Variants in PUS10 observed in about 807,000 individuals in gnomAD.
PUS10 encodes pseudouridine synthase 10, also known as tRNA pseudouridine synthase Pus10.
PUS10 carries 59 observed loss-of-function variants against 75.0 expected under a neutral mutation model. That is an observed-to-expected ratio of 0.79 (90% confidence interval 0.64 to 0.98). The LOEUF (loss-of-function observed/expected upper bound fraction) is 0.98. PUS10 is among the 50% of genes least tolerant of loss of function. The pLI is 0.00. For missense variants in PUS10, 650 were observed against 614.4 expected (o/e 1.06, Z -0.61); for synonymous variants, 219 against 211.6 (o/e 1.03, Z -0.30).
chr2:60,973,129 C>T (rs932957012), intron 4 of PUS10, among the ~76,000 whole-genome samples: 1 of 152,222 alleles, frequency 6.6e-6, no homozygotes, highest in African/African-American at 2.4e-5. Context: ...AAGCCTCCGT[C>T]CCGGCCTCAA....
rs1676428562 is a variant in PUS10 at position 60,967,718 on chromosome 2, A to ATG, written c.504-107_504-106dup. 6.9e-6 allele frequency: 5 copies of ATG among 729,088 alleles called. No individual in the cohort carries two copies. The South Asian group carries it at 8.5e-5, about 12-fold the overall frequency. 45.2% of individuals were successfully genotyped at this position (729,088 alleles called of 1,614,324 possible). A position where few individuals can be genotyped will look rare whatever the true frequency, so the allele number is the denominator to read the frequency against. On this transcript the variant is annotated intron_variant, in intron 5 of 17. Coordinates refer to ENST00000316752, the MANE Select transcript of PUS10 (RefSeq NM_144709.4). Reference sequence around the variant, plus strand: ...TTAAAATATTGATTGAGTGCCTAGTATGTACCAGGCACTATTCTACACATT... The same window carrying ATG: ...TTAAAATATTGATTGAGTGCCTAGTATGTGTACCAGGCACTATTCTACACATT...
Position 61,017,829 on chromosome 2 carries a change from C to T in PUS10, c.-16+179G>A. 1 of 1,550,512 alleles carries T rather than the reference C, an allele frequency of 6.4e-7. No individual in the cohort carries two copies. Among genetic ancestry groups the T allele is most frequent in the Non-Finnish European group, 8.7e-7 (1 of 1,146,760 alleles). The stretch of plus-strand genomic sequence containing the variant: ...CCGAATTCCGGGAGCCGGACCGGGA[C>T]CAGGACCGGGCCCCACTTTCCAGTG... On this transcript the variant is annotated intron_variant, in intron 1 of 17. Transcript: ENST00000316752.
At chr2:61,006,423 A>C (rs1456379418) in intron 4 of PUS10, 134 bp downstream of exon 4, 2 of 649,924 alleles carry the variant, frequency 3.1e-6, no homozygotes, top group Non-Finnish European at 5.3e-6. Flanking sequence ...GCAGCTATAA[A>C]TTGCTTCAAT....
intron 4 of PUS10, among the ~76,000 whole-genome samples, chr2:60,976,875 T>G (rs906502765): frequency 2.0e-5 from 3 of 152,234 alleles, no homozygotes; most frequent in Middle Eastern, 3.4e-3. Flanking sequence ...TAGAAAAAAA[T>G]CTATTCTCTA....
intron 11 of PUS10, 108 bp from the exon 12 acceptor site, chr2:60,955,182 A>C: frequency 1.7e-6 from 1 of 579,846 alleles, no homozygotes; most frequent in East Asian, 3.0e-5. Context: ...AATCTATAGG[A>C]GAATCCCCAG....
intron 4 of PUS10, among the ~76,000 whole-genome samples, chr2:60,975,393 C>T (rs1676973995): frequency 6.6e-6 from 1 of 152,080 alleles, no homozygotes; most frequent in African/African-American, 2.4e-5. Context: ...GATCCGCCCG[C>T]CTTGGCCTCC....
At chr2:60,958,390 C>T (rs1461249070) in intron 11 of PUS10, among the ~76,000 whole-genome samples, 1 of 152,004 alleles carries the variant, frequency 6.6e-6, no homozygotes, top group Non-Finnish European at 1.5e-5. Flanking sequence ...TCTTAAAGAC[C>T]CTTAAAGAAG....
intron 9 of PUS10, among the ~76,000 whole-genome samples, chr2:60,961,862 T>C (rs1049915768): frequency 6.6e-6 from 1 of 152,222 alleles, no homozygotes; most frequent in Non-Finnish European, 1.5e-5. Context: ...AATCCATACA[T>C]AGGAAGTGGA....
intron 11 of PUS10, among the ~76,000 whole-genome samples, chr2:60,958,165 G>A (rs1431166415): frequency 2.0e-5 from 3 of 152,178 alleles, no homozygotes; most frequent in East Asian, 1.9e-4. Context: ...GACACTTGGC[G>A]TGACAGGTGG....
chr2:60,999,390 G>A (rs776927556), intron 4 of PUS10, among the ~76,000 whole-genome samples: 2 of 152,106 alleles, frequency 1.3e-5, no homozygotes, highest in Non-Finnish European at 2.9e-5. Context: ...CACACCAGGA[G>A]GATCACTTGA....
intron 1 of PUS10, among the ~76,000 whole-genome samples, chr2:61,016,883 T>C (rs1437676888): frequency 6.6e-6 from 1 of 152,100 alleles, no homozygotes; most frequent in African/African-American, 2.4e-5. Flanking sequence ...GGGGTGTGGA[T>C]TTACGGAGAA....
At chr2:60,980,087 C>T (rs1431547445) in intron 4 of PUS10, among the ~76,000 whole-genome samples, 1 of 152,070 alleles carries the variant, frequency 6.6e-6, no homozygotes, top group East Asian at 1.9e-4. Flanking sequence ...TCAGAAAAGA[C>T]ACAACAGTTA....
At chr2:60,952,876 C>A in intron 15 of PUS10, 121 bp downstream of exon 15, 1 of 605,192 alleles carries the variant, frequency 1.7e-6, no homozygotes, top group Non-Finnish European at 2.9e-6. Flanking sequence ...GGCTTGGAAC[C>A]CAGGTCTTGC....
rs56804354 is a variant in PUS10, at chr2:60,956,974, C to CAA, written c.1001-1902_1001-1901dup. The stretch of plus-strand genomic sequence containing the variant: ...CGGGTGACAGAGCGAGACTCCATCT[C>CAA]AAAAAAAAAAAAAAAAAAAAAAAAA... On this transcript the variant is annotated intron_variant, in intron 11 of 17. Coordinates refer to ENST00000316752, the MANE Select transcript of PUS10 (RefSeq NM_144709.4). 4.3e-3 allele frequency among the ~76,000 whole-genome samples: 82 copies of CAA among 19,242 alleles called. 7 individuals are homozygous for CAA. Among genetic ancestry groups the CAA allele is most frequent in the African/African-American group, 9.1e-3 (58 of 6,346 alleles). 12.6% of individuals were successfully genotyped at this position (19,242 alleles called of 152,430 possible).
chr2:60,983,483 A>G (rs2104509226), intron 4 of PUS10, among the ~76,000 whole-genome samples: 1 of 152,284 alleles, frequency 6.6e-6, no homozygotes, highest in East Asian at 1.9e-4. Flanking sequence ...GTTTGAGACC[A>G]GCCTGACCAA....
chr2:61,003,418 C>T (rs1053479265), intron 4 of PUS10, among the ~76,000 whole-genome samples: 2 of 149,174 alleles, frequency 1.3e-5, no homozygotes, highest in Non-Finnish European at 3.0e-5. Flanking sequence ...GCAGAGACTG[C>T]GCCACTGCAC....
At chr2:61,000,017 G>A (rs1678749170) in intron 4 of PUS10, among the ~76,000 whole-genome samples, 1 of 152,072 alleles carries the variant, frequency 6.6e-6, no homozygotes, top group South Asian at 2.1e-4. Flanking sequence ...AAGCATCTGT[G>A]GATTTTGGTA....
chr2:60,958,637 G>A (rs1369392527), intron 11 of PUS10, among the ~76,000 whole-genome samples: 3 of 152,098 alleles, frequency 2.0e-5, no homozygotes, highest in Admixed American at 6.6e-5. Flanking sequence ...TAATCTCAGC[G>A]CTTTGAGAGG....
intron 2 of PUS10, among the ~76,000 whole-genome samples, chr2:61,011,473 T>C (rs538602571): frequency 6.6e-6 from 1 of 152,196 alleles, no homozygotes; most frequent in Non-Finnish European, 1.5e-5. Flanking sequence ...TTTGTGATAT[T>C]CTGTTTAGAT....
Sources: allele counts gnomAD v4.1 joint callset (sites outside exome capture counted in the v4.1 genomes callset), GRCh38; gene constraint gnomAD v4.1.1; transcripts MANE v1.5; gene names NCBI Gene and HGNC (gene_info 2026-07-23, HGNC 2026-07-21).